Variants in AKAP10 observed in about 807,000 individuals in gnomAD.
The protein encoded by AKAP10 is A-kinase anchor protein 10, mitochondrial.
Under a neutral mutation model 80.8 loss-of-function variants are expected in AKAP10, and 24 were observed. The observed-to-expected ratio is 0.30, with a 90% CI of 0.22 to 0.42. The LOEUF (loss-of-function observed/expected upper bound fraction) is 0.42. Among genes scored for constraint, AKAP10 ranks in the 10% least tolerant of loss-of-function variants. The pLI, the probability that AKAP10 is intolerant of heterozygous loss-of-function variation, is 1.00. For synonymous variants in AKAP10, 291 were observed against 277.7 expected, an observed-to-expected ratio of 1.05 and a Z score of -0.48; for missense variants, 661 against 794.9, an observed-to-expected ratio of 0.83 and a Z score of 2.03.
In AKAP10 at chr17:19,936,426, A is replaced by C; in HGVS notation, c.1327T>G (p.Phe443Val). Residue 443 changes from phenylalanine (F) to valine (V), a missense_variant, in exon 9 of 15, where the codon TTC becomes GTC. Phe to Val is a conservative substitution (Grantham distance 50). Transcript: ENST00000225737. ...NDAMILYDKY[F>V]SLQATHPLGF... ...AGAGGATGTGTGGCTTGGAGGGAGAAGTACCTATGGTAAAAAGATATCCGA... is the reference window on the plus strand; with the variant it reads ...AGAGGATGTGTGGCTTGGAGGGAGACGTACCTATGGTAAAAAGATATCCGA... 1 of 1,607,454 alleles carries C rather than the reference A, an allele frequency of 6.2e-7. No individual in the cohort carries two copies. The highest frequency in any genetic ancestry group is 8.5e-7 in the Non-Finnish European group (1 of 1,175,360).
chr17:19,939,582 T>C (rs2043030329), intron 8 of AKAP10, 131 bp downstream of exon 8: 2 of 1,052,968 alleles, frequency 1.9e-6, no homozygotes, highest in South Asian at 1.7e-5. Flanking sequence ...AAACACCATA[T>C]AAAAGCAGCT....
chr17:19,972,453 T>G (rs1461601089), intron 1 of AKAP10, among the ~76,000 whole-genome samples: 1 of 151,974 alleles, frequency 6.6e-6, no homozygotes, highest in Non-Finnish European at 1.5e-5. Flanking sequence ...GGTTTTTTGC[T>G]TTGTTTTGTT....
At chr17:19,951,613 T>C (rs912573716) in intron 4 of AKAP10, among the ~76,000 whole-genome samples, 3 of 152,040 alleles carry the variant, frequency 2.0e-5, no homozygotes, top group Admixed American at 6.6e-5. Context: ...CCCTGCTCTC[T>C]GAAACATGTG....
intron 5 of AKAP10, among the ~76,000 whole-genome samples, chr17:19,945,464 G>A (rs1304420569): frequency 1.3e-5 from 2 of 152,108 alleles, no homozygotes; most frequent in Admixed American, 6.6e-5. Context: ...TAAAAATAGA[G>A]CAACAACACA....
chr17:19,904,910 C>T lies in AKAP10; in HGVS notation c.*1317G>A, dbSNP rs2042616582. 6.6e-6 allele frequency: 1 copy of T among 151,680 alleles called. No individual in the cohort carries two copies. The highest frequency in any genetic ancestry group is 2.4e-5 in the African/African-American group (1 of 41,324). The allele number at this position is 151,680 out of a possible 1,614,324, so 9.4% of individuals were successfully genotyped here. On this transcript the variant is annotated 3_prime_UTR_variant, in exon 15 of 15. Coordinates refer to ENST00000225737, the MANE Select transcript of AKAP10 (RefSeq NM_007202.4). ...CACAAAGCCTTTTTGCTTCTTCTGTCGATGAAACAGTGTGCCTCTATACAA... is the reference window on the plus strand; with the variant it reads ...CACAAAGCCTTTTTGCTTCTTCTGTTGATGAAACAGTGTGCCTCTATACAA...
intron 3 of AKAP10, among the ~76,000 whole-genome samples, chr17:19,962,220 A>C (rs2043358502): frequency 6.6e-6 from 1 of 152,008 alleles, no homozygotes; most frequent in Admixed American, 6.6e-5. Context: ...GTTGTCCATA[A>C]TTTTTTGCTA....
intron 1 of AKAP10, among the ~76,000 whole-genome samples, chr17:19,975,855 C>T (rs2043558913): frequency 1.3e-5 from 2 of 151,992 alleles, no homozygotes; most frequent in African/African-American, 4.8e-5. Flanking sequence ...AGAATGTTTT[C>T]CCCCCTTAAA....
At chr17:19,927,921 A>G (rs191786031) in intron 10 of AKAP10, among the ~76,000 whole-genome samples, 104 of 151,494 alleles carry the variant, frequency 6.9e-4, no homozygotes, top group African/African-American at 2.3e-3. Flanking sequence ...AAAAAAAAAA[A>G]GAAAAAAGAA....
At chr17:19,951,189 G>GCGCC (rs2043205679) in intron 4 of AKAP10, among the ~76,000 whole-genome samples, 2 of 113,118 alleles carry the variant, frequency 1.8e-5, no homozygotes, top group Non-Finnish European at 2.1e-5. Context: ...GAGGTGGGGG[G>GCGCC]TCAGCCCCCG....
chr17:19,955,091 G>A (rs1013522594), intron 4 of AKAP10, among the ~76,000 whole-genome samples: 11 of 151,960 alleles, frequency 7.2e-5, no homozygotes, highest in Non-Finnish European at 4.4e-5. Flanking sequence ...GTGTGGTGGT[G>A]CGTGCCTATA....
intron 1 of AKAP10, among the ~76,000 whole-genome samples, chr17:19,970,428 C>T (rs768423543): frequency 2.6e-5 from 4 of 152,198 alleles, no homozygotes; most frequent in Non-Finnish European, 5.9e-5. Flanking sequence ...CAGCATTTTG[C>T]TTTATTTCCT....
intron 5 of AKAP10, among the ~76,000 whole-genome samples, chr17:19,945,749 A>C (rs2043096540): frequency 6.6e-6 from 1 of 152,222 alleles, no homozygotes; most frequent in African/African-American, 2.4e-5. Context: ...CAAAGCACCC[A>C]CACTAAGGAT....
chr17:19,929,185 C>A (rs538994071), intron 10 of AKAP10, among the ~76,000 whole-genome samples: 48 of 152,126 alleles, frequency 3.2e-4, no homozygotes, highest in African/African-American at 1.1e-3. Flanking sequence ...AAAAAGTAGA[C>A]TAGTGGCTGC....
chr17:19,964,012 A>C (rs1466496294), intron 2 of AKAP10, among the ~76,000 whole-genome samples: 1 of 152,224 alleles, frequency 6.6e-6, no homozygotes, highest in Non-Finnish European at 1.5e-5. Context: ...AATTTCAGTC[A>C]TTCAATAATA....
chr17:19,963,978 C>T (rs9896641), intron 2 of AKAP10, among the ~76,000 whole-genome samples: 10,257 of 151,856 alleles, frequency 0.068, 1,020 homozygotes, highest in African/African-American at 0.22. Context: ...ATCAGTATCA[C>T]CCCTTTGGCT....
At chr17:19,950,485 T>G (rs1331625795) in intron 4 of AKAP10, among the ~76,000 whole-genome samples, 1 of 152,198 alleles carries the variant, frequency 6.6e-6, no homozygotes, top group African/African-American at 2.4e-5. Context: ...GGTTTTTGCA[T>G]TTTTTGGTGG....
chr17:19,917,380 G>A (rs1424088846), intron 12 of AKAP10, among the ~76,000 whole-genome samples: 1 of 152,176 alleles, frequency 6.6e-6, no homozygotes, highest in South Asian at 2.1e-4. Context: ...ACACTGTAGA[G>A]TTCTTCCTGG....
At chr17:19,910,325 CA>C (rs3031068) in intron 12 of AKAP10, among the ~76,000 whole-genome samples, 15,989 of 90,634 alleles carry the variant, frequency 0.18, 935 homozygotes, top group Admixed American at 0.2. Context: ...GACTCCAACT[CA>C]AAAAAAAAAA....
intron 11 of AKAP10, among the ~76,000 whole-genome samples, chr17:19,922,906 C>A (rs916697627): frequency 2.6e-5 from 4 of 151,958 alleles, no homozygotes; most frequent in African/African-American, 7.2e-5. Context: ...TCTCAAAAAA[C>A]CAAAACAAAA....
Sources: allele counts gnomAD v4.1 joint callset (sites outside exome capture counted in the v4.1 genomes callset), GRCh38; gene constraint gnomAD v4.1.1; transcripts MANE v1.5; gene names NCBI Gene and HGNC (gene_info 2026-07-23, HGNC 2026-07-21).